Variants in MGAT4C observed in about 807,000 individuals in gnomAD.
MGAT4C encodes MGAT4 family member C.
A neutral mutation model predicts 40.1 loss-of-function variants in MGAT4C; 19 were observed. That is an observed-to-expected ratio of 0.47 (90% confidence interval 0.33 to 0.70). The LOEUF is 0.70. Among genes scored for constraint, MGAT4C ranks in the 30% least tolerant of loss-of-function variants. MGAT4C has a pLI of 0.02. For synonymous variants in MGAT4C, 181 were observed against 187.1 expected, an observed-to-expected ratio of 0.97 and a Z score of 0.27; for missense variants, 491 against 563.2, an observed-to-expected ratio of 0.87 and a Z score of 1.30.
intron 3 of MGAT4C, among the ~76,000 whole-genome samples, chr12:86,356,324 TA>T (rs1438387734): frequency 6.6e-6 from 1 of 152,130 alleles, no homozygotes; most frequent in Non-Finnish European, 1.5e-5. Context: ...ATAATTACAT[TA>T]AATGTTAATA....
chr12:86,581,438 G>C (rs1052312243), intron 2 of MGAT4C, among the ~76,000 whole-genome samples: 1 of 151,370 alleles, frequency 6.6e-6, no homozygotes, highest in Non-Finnish European at 1.5e-5. Context: ...CATATTAAAT[G>C]CTTGCTGCTA....
intron 1 of MGAT4C, among the ~76,000 whole-genome samples, chr12:86,785,697 T>A (rs1951919185): frequency 2.0e-5 from 3 of 151,738 alleles, no homozygotes; most frequent in Admixed American, 6.6e-5. Context: ...AGTTATCTGT[T>A]AAAGGAAGAA....
chr12:86,237,133 A>G (rs1243687708), intron 1 of MGAT4C, among the ~76,000 whole-genome samples: 1 of 149,086 alleles, frequency 6.7e-6, no homozygotes, highest in African/African-American at 2.6e-5. Flanking sequence ...GATATAGAAA[A>G]CACACACACA....
At chr12:86,129,164 G>T (rs1880787469) in intron 1 of MGAT4C, among the ~76,000 whole-genome samples, 1 of 148,380 alleles carries the variant, frequency 6.7e-6, no homozygotes, top group Non-Finnish European at 1.5e-5. Flanking sequence ...GACCCAGTCG[G>T]ATTAACATCC....
chr12:86,064,734 T>C (rs528291921), intron 1 of MGAT4C, among the ~76,000 whole-genome samples: 2 of 151,808 alleles, frequency 1.3e-5, no homozygotes, highest in Admixed American at 1.3e-4. Flanking sequence ...CTGAAGGAGA[T>C]AGAGACAAAA....
chr12:86,147,548 T>C (rs1883713952), intron 1 of MGAT4C, among the ~76,000 whole-genome samples: 1 of 152,190 alleles, frequency 6.6e-6, no homozygotes, highest in African/African-American at 2.4e-5. Flanking sequence ...GCCTATTAAA[T>C]GTTTTAACAG....
chr12:86,185,506 A>G (rs1382664944), intron 1 of MGAT4C, among the ~76,000 whole-genome samples: 2 of 152,182 alleles, frequency 1.3e-5, no homozygotes, highest in African/African-American at 4.8e-5. Flanking sequence ...AGATATACAC[A>G]TAAGCATATG....
chr12:86,611,387 G>GGT (rs1362228807), intron 2 of MGAT4C, among the ~76,000 whole-genome samples: 3 of 147,186 alleles, frequency 2.0e-5, no homozygotes, highest in African/African-American at 7.8e-5. Context: ...AGGTCCCATA[G>GGT]ATAGGTAGGT....
At chr12:86,723,892 A>C (rs1173758408) in intron 2 of MGAT4C, among the ~76,000 whole-genome samples, 1 of 152,228 alleles carries the variant, frequency 6.6e-6, no homozygotes, top group Non-Finnish European at 1.5e-5. Flanking sequence ...ATAGGCAAAA[A>C]GCATGTAATT....
intron 3 of MGAT4C, among the ~76,000 whole-genome samples, chr12:86,370,448 A>C (rs890350489): frequency 1.3e-5 from 2 of 152,054 alleles, no homozygotes; most frequent in Non-Finnish European, 2.9e-5. Context: ...AGTATGGAAA[A>C]ACTTGCCTGG....
intron 1 of MGAT4C, among the ~76,000 whole-genome samples, chr12:86,803,204 C>G (rs1387187699): frequency 6.6e-6 from 1 of 150,470 alleles, no homozygotes; most frequent in Non-Finnish European, 1.5e-5. Flanking sequence ...AGAAAACTGG[C>G]TAGCCATATG....
chr12:86,806,447 T>TGAGA (rs1327303944), intron 1 of MGAT4C, among the ~76,000 whole-genome samples: 13 of 74,620 alleles, frequency 1.7e-4, no homozygotes, highest in Admixed American at 5.1e-4. Flanking sequence ...TGTGTGTGTG[T>TGAGA]GTGAGAGAGA....
chr12:85,998,241 C>T (rs1011585970), intron 2 of MGAT4C, among the ~76,000 whole-genome samples: 4 of 152,180 alleles, frequency 2.6e-5, no homozygotes, highest in Admixed American at 2.0e-4. Context: ...CTGCACACAG[C>T]ACTGGGAATC....
chr12:86,155,292 A>C (rs935314771), intron 1 of MGAT4C, among the ~76,000 whole-genome samples: 1 of 152,326 alleles, frequency 6.6e-6, no homozygotes, highest in Non-Finnish European at 1.5e-5. Flanking sequence ...GTATCAAAGT[A>C]TAATGAATAG....
intron 2 of MGAT4C, among the ~76,000 whole-genome samples, chr12:86,514,110 A>ACAC (rs774960809): frequency 3.5e-5 from 5 of 144,584 alleles, no homozygotes; most frequent in South Asian, 4.5e-4. Context: ...ACACACACAC[A>ACAC]ACCCCGGCTT....
At chr12:86,721,725 T>A (rs969259128) in intron 2 of MGAT4C, among the ~76,000 whole-genome samples, 5 of 152,286 alleles carry the variant, frequency 3.3e-5, no homozygotes, top group Non-Finnish European at 5.9e-5. Flanking sequence ...TGTTTTTGCC[T>A]TAAAGTGACC....
intron 1 of MGAT4C, among the ~76,000 whole-genome samples, chr12:86,781,730 A>T (rs189244574): frequency 4.6e-5 from 7 of 152,238 alleles, no homozygotes; most frequent in Non-Finnish European, 7.4e-5. Flanking sequence ...TTTCCATCAT[A>T]AATTTCTTAC....
chr12:86,360,275 A>G (rs1182783256), intron 3 of MGAT4C, among the ~76,000 whole-genome samples: 1 of 152,200 alleles, frequency 6.6e-6, no homozygotes, highest in Non-Finnish European at 1.5e-5. Context: ...GCCTTTGACA[A>G]AGTTCAAGAG....
chr12:86,535,719 T>G (rs1186358772), intron 2 of MGAT4C, among the ~76,000 whole-genome samples: 1 of 152,110 alleles, frequency 6.6e-6, no homozygotes, highest in Non-Finnish European at 1.5e-5. Flanking sequence ...AAATCACTAA[T>G]AAGGCATCCA....
Sources: gnomAD v4.1 joint callset for allele counts (sites outside exome capture counted in the v4.1 genomes callset) on GRCh38, gnomAD v4.1.1 for gene constraint, MANE v1.5 for transcripts, NCBI Gene and HGNC (gene_info 2026-07-23, HGNC 2026-07-21) for gene names.